Variants in RANBP2 observed in about 807,000 individuals in gnomAD.
The protein encoded by RANBP2 is E3 SUMO-protein ligase RanBP2.
RANBP2 carries 57 observed loss-of-function variants against 303.6 expected under a neutral mutation model. That is an observed-to-expected ratio of 0.19 (90% CI 0.15 to 0.23). The LOEUF is 0.23. RANBP2 is among the 10% of genes least tolerant of loss of function. The probability of loss-of-function intolerance (pLI) is 1.00; values close to 1 mark genes in which losing one functional copy is unlikely to be tolerated. For missense variants in RANBP2, 3,138 were observed against 3,780.8 expected, an observed-to-expected ratio of 0.83 and a Z score of 4.46; for synonymous variants, 1,167 against 1,301.5, an observed-to-expected ratio of 0.90 and a Z score of 2.23.
chr2:109,129,011 G>T, the RANBP2 span: 1 of 422,008 alleles, frequency 2.4e-6, no homozygotes. Flanking sequence ...GAAGAGGAAC[G>T]GTCCTGCTGA....
the RANBP2 span, among the ~76,000 whole-genome samples, chr2:109,303,887 T>C: frequency 6.6e-6 from 1 of 152,128 alleles, no homozygotes; most frequent in African/African-American, 2.4e-5. Context: ...TTATTAACAT[T>C]GTTATTATTT....
downstream of RANBP2, among the ~76,000 whole-genome samples, chr2:108,789,734 G>T (rs1679589103): frequency 6.6e-6 from 1 of 152,146 alleles, no homozygotes; most frequent in Admixed American, 6.5e-5. Context: ...CTGGGGAGAT[G>T]GTAACTACAG....
In RANBP2 at chr2:108,767,102, A is replaced by G; in HGVS notation, c.6563A>G (p.Gln2188Arg). The change falls in exon 20 of 29, where the codon CAA becomes CGA. Residue 2188 changes from glutamine (Q) to arginine (R), a missense_variant. Physicochemically the swap from Gln to Arg is conservative, Grantham distance 43 (BLOSUM62 1). Around this residue, in one of 20 missense-constraint regions of RANBP2, gnomAD observed 103 missense variants for 214.3 expected, o/e 0.48. Coordinates refer to ENST00000283195, the MANE Select transcript of RANBP2 (RefSeq NM_006267.5). ...KDFKTFLTNDQTKVTEEENKG... is the reference protein window; with the variant it reads ...KDFKTFLTNDRTKVTEEENKG... Reference sequence around the variant, plus strand: ...TTCAAAACATTTTTGACAAATGATCAAACAAAAGTCACTGAGGAAGAAAAT... The same window carrying G: ...TTCAAAACATTTTTGACAAATGATCGAACAAAAGTCACTGAGGAAGAAAAT... 1 of 1,611,476 alleles carries G rather than the reference A, an allele frequency of 6.2e-7. No homozygotes were observed. The highest frequency in any genetic ancestry group is 1.1e-5 in the South Asian group (1 of 90,986).
At chr2:108,949,910 C>T in the RANBP2 span, among the ~76,000 whole-genome samples, 1 of 152,218 alleles carries the variant, frequency 6.6e-6, no homozygotes, top group Non-Finnish European at 1.5e-5. Flanking sequence ...TCTATGAGCT[C>T]ATGGAGGCCA....
chr2:109,682,952 C>T, the RANBP2 span, among the ~76,000 whole-genome samples: 69 of 152,294 alleles, frequency 4.5e-4, no homozygotes, highest in Non-Finnish European at 8.2e-4. Flanking sequence ...ATTTACCACC[C>T]CCGCTCAATC....
chr2:109,316,575 C>T, the RANBP2 span, among the ~76,000 whole-genome samples: 1 of 152,180 alleles, frequency 6.6e-6, no homozygotes, highest in African/African-American at 2.4e-5. Context: ...GTTTTAGGTT[C>T]ACAGCAAGAT....
At chr2:109,613,073 G>A in the RANBP2 span, 10 of 619,328 alleles carry the variant, frequency 1.6e-5, no homozygotes, top group Non-Finnish European at 2.7e-5. Flanking sequence ...AGAATACACA[G>A]GCATCGGGCC....
At chr2:109,193,542 C>G in the RANBP2 span, among the ~76,000 whole-genome samples, 8 of 152,122 alleles carry the variant, frequency 5.3e-5, no homozygotes, top group African/African-American at 1.2e-4. Flanking sequence ...CTTTCATTCC[C>G]CATGATGTTT....
the RANBP2 span, chr2:109,565,752 G>A: frequency 1.9e-6 from 3 of 1,606,262 alleles, no homozygotes; most frequent in Non-Finnish European, 2.6e-6. Flanking sequence ...GTCATCCTTT[G>A]TCTCATTTAC....
the RANBP2 span, among the ~76,000 whole-genome samples, chr2:109,120,221 G>T: frequency 2.0e-5 from 3 of 152,338 alleles, no homozygotes; most frequent in South Asian, 4.1e-4. Context: ...TGTAAGAGGA[G>T]GGGGAGGGCC....
intron 17 of RANBP2, among the ~76,000 whole-genome samples, 187 bp from the exon 18 acceptor site, chr2:108,758,226 G>A (rs1347247937): frequency 1.3e-5 from 2 of 151,866 alleles, no homozygotes; most frequent in African/African-American, 4.8e-5. Flanking sequence ...GAGCCCAGGA[G>A]GTGGAGGTTG....
the RANBP2 span, among the ~76,000 whole-genome samples, chr2:109,493,089 C>T: frequency 3.1e-5 from 3 of 98,336 alleles, no homozygotes; most frequent in Admixed American, 3.6e-4. Flanking sequence ...ACCATACATA[C>T]AAACATACAC....
the RANBP2 span, among the ~76,000 whole-genome samples, chr2:109,515,223 A>G: frequency 0.054 from 8,186 of 152,294 alleles, 662 homozygotes; most frequent in East Asian, 0.23. Context: ...GGCGGCACCC[A>G]GCACCCCATG....
the RANBP2 span, chr2:109,129,639 TCGGGCGGCGGCCACCGCCGCGGGGG>T: frequency 4.0e-6 from 6 of 1,495,114 alleles, no homozygotes; most frequent in South Asian, 1.3e-5. Flanking sequence ...GACGGCGGCG[TCGGGCGGCGGCCACCGCCGCGGGGG>T]CGGGCGAGGA....
the RANBP2 span, among the ~76,000 whole-genome samples, chr2:109,452,225 A>G: frequency 1.3e-5 from 2 of 152,240 alleles, no homozygotes; most frequent in African/African-American, 4.8e-5. Context: ...CTGCACCAGC[A>G]GACTGTGCTG....
the RANBP2 span, among the ~76,000 whole-genome samples, chr2:109,370,190 GGTCTCTGTCTCTGTCTCTGTCTCT>G: frequency 1.4e-5 from 2 of 147,330 alleles, no homozygotes; most frequent in South Asian, 4.5e-4. Flanking sequence ...TTGCTGTGGT[GGTCTCTGTCTCTGTCTCTGTCTCT>G]GTCTCTGTCT....
the RANBP2 span, among the ~76,000 whole-genome samples, chr2:109,273,998 AC>A: frequency 2.6e-5 from 4 of 152,314 alleles, no homozygotes; most frequent in South Asian, 6.2e-4. Flanking sequence ...GATAATACTT[AC>A]CATAGTTCTG....
At chr2:109,341,729 A>G in the RANBP2 span, among the ~76,000 whole-genome samples, 4 of 152,294 alleles carry the variant, frequency 2.6e-5, no homozygotes, top group East Asian at 7.7e-4. Context: ...TGTGTCTACC[A>G]TGCAGCCCGT....
chr2:109,579,647 T>C, the RANBP2 span, among the ~76,000 whole-genome samples: 1 of 151,158 alleles, frequency 6.6e-6, no homozygotes, highest in Non-Finnish European at 1.5e-5. Context: ...CCTCCCAAAG[T>C]GCTGGGATTA....
Sources: gnomAD v4.1 joint callset for allele counts (sites outside exome capture counted in the v4.1 genomes callset) on GRCh38, gnomAD v4.1.1 for gene constraint, gnomAD v4.1.1 regional missense constraint, MANE v1.5 for transcripts, NCBI Gene and HGNC (gene_info 2026-07-23, HGNC 2026-07-21) for gene names.